CDKAL1: variants seen among roughly 807,000 people sequenced by gnomAD.
CDKAL1 encodes CDKAL1 threonylcarbamoyladenosine tRNA methylthiotransferase.
A neutral mutation model predicts 68.2 loss-of-function variants in CDKAL1; 32 were observed. The observed-to-expected ratio is 0.47, with a 90% CI of 0.35 to 0.63. CDKAL1 has a LOEUF of 0.63. CDKAL1 is among the 30% of genes least tolerant of loss of function. The pLI is 0.00. For missense variants in CDKAL1, 606 were observed against 696.7 expected (o/e 0.87, Z 1.47); for synonymous variants, 234 against 244.3 (o/e 0.96, Z 0.39).
At chr6:20,594,614 G>A (rs572215225) in intron 4 of CDKAL1, among the ~76,000 whole-genome samples, 14 of 152,138 alleles carry the variant, frequency 9.2e-5, no homozygotes, top group African/African-American at 1.2e-4. Flanking sequence ...GCATGCCGAC[G>A]GGTCTTGACT....
At chr6:20,576,551 T>G (rs766233749) in intron 4 of CDKAL1, among the ~76,000 whole-genome samples, 7 of 152,392 alleles carry the variant, frequency 4.6e-5, no homozygotes, top group Non-Finnish European at 8.8e-5. Flanking sequence ...ACTTCAAGTC[T>G]TCTGCATTTT....
chr6:20,736,850 CT>C (rs1016326881), intron 5 of CDKAL1, among the ~76,000 whole-genome samples: 1 of 151,966 alleles, frequency 6.6e-6, no homozygotes, highest in African/African-American at 2.4e-5. Flanking sequence ...ATTTCCTCAC[CT>C]CCTGGCTTCT....
At chr6:20,746,289 T>G (rs1474739) in intron 6 of CDKAL1, among the ~76,000 whole-genome samples, 1 of 152,152 alleles carries the variant, frequency 6.6e-6, no homozygotes, top group Non-Finnish European at 1.5e-5. Context: ...TGTACTGTCA[T>G]GTAACTTCTG....
intron 9 of CDKAL1, among the ~76,000 whole-genome samples, chr6:20,904,474 A>T (rs1206267607): frequency 6.6e-6 from 1 of 152,090 alleles, no homozygotes; most frequent in African/African-American, 2.4e-5. Context: ...GCAACTGGAC[A>T]CGTATGAGGA....
chr6:20,727,060 A>C (rs1056768972), intron 5 of CDKAL1, among the ~76,000 whole-genome samples: 1 of 152,180 alleles, frequency 6.6e-6, no homozygotes, highest in African/African-American at 2.4e-5. Context: ...ATCAGTTCTG[A>C]AAATTTGCCT....
At chr6:20,993,647 G>A (rs1230910672) in intron 10 of CDKAL1, 3 of 152,142 alleles carry the variant, frequency 2.0e-5, no homozygotes, top group African/African-American at 7.2e-5. Context: ...GATGACTATA[G>A]GGCAATAAAA....
At chr6:21,128,970 C>G (rs989936180) in intron 13 of CDKAL1, among the ~76,000 whole-genome samples, 1 of 152,156 alleles carries the variant, frequency 6.6e-6, no homozygotes, top group Non-Finnish European at 1.5e-5. Context: ...TTTGAATCTG[C>G]CTTTCACTCA....
At chr6:21,113,981 G>A (rs1444679288) in intron 13 of CDKAL1, among the ~76,000 whole-genome samples, 2 of 151,564 alleles carry the variant, frequency 1.3e-5, no homozygotes, top group East Asian at 3.9e-4. Context: ...GGGCGCAGTG[G>A]CTCACGCCTG....
intron 15 of CDKAL1, among the ~76,000 whole-genome samples, chr6:21,215,212 C>T (rs1347568414): frequency 2.0e-5 from 3 of 152,158 alleles, no homozygotes; most frequent in Admixed American, 1.3e-4. Flanking sequence ...AGCCCTGCTC[C>T]GCATGCCTCA....
At chr6:21,004,086 C>T (rs1767597927) in intron 11 of CDKAL1, among the ~76,000 whole-genome samples, 1 of 152,120 alleles carries the variant, frequency 6.6e-6, no homozygotes, top group Non-Finnish European at 1.5e-5. Flanking sequence ...GATCTGTTTC[C>T]TTAAAAAATC....
At chr6:20,736,788 T>C (rs1015059531) in intron 5 of CDKAL1, among the ~76,000 whole-genome samples, 2 of 147,188 alleles carry the variant, frequency 1.4e-5, no homozygotes, top group Non-Finnish European at 3.0e-5. Flanking sequence ...AAAAAAAATT[T>C]CCTCCACATG....
intron 5 of CDKAL1, among the ~76,000 whole-genome samples, chr6:20,690,497 C>T (rs1451562024): frequency 3.3e-5 from 5 of 152,090 alleles, no homozygotes; most frequent in African/African-American, 7.2e-5. Context: ...GCCTTACTAC[C>T]GCAGTGTGTG....
At chr6:20,550,645 G>A (rs888848182) in intron 4 of CDKAL1, among the ~76,000 whole-genome samples, 7 of 152,054 alleles carry the variant, frequency 4.6e-5, no homozygotes, top group Admixed American at 1.3e-4. Flanking sequence ...TCCTCTTGGG[G>A]GATGGAGCTA....
At position 21,057,025 on chromosome 6, in the gene CDKAL1, T is replaced by C. The variant is rs553636205; in HGVS notation, c.1056-8023T>C. On this transcript the variant is annotated intron_variant, in intron 11 of 15. Coordinates refer to ENST00000274695, the MANE Select transcript of CDKAL1 (RefSeq NM_017774.3). ...TTGCCAGATTTTGGTATCAGGATGA[T>C]GCTGGCCTCATAAAATGAGTTAGGG... Among the ~76,000 whole-genome samples the C allele has an allele frequency of 3.9e-5, 6 of 152,344 alleles. No homozygotes were observed. The South Asian group carries it at 1.2e-3, about 32-fold the overall frequency.
chr6:20,781,197 G>T lies in CDKAL1; in HGVS notation c.570G>T (p.Gly190=), dbSNP rs777597654. The T allele has an allele frequency of 4.5e-5, 73 of 1,613,762 alleles. No homozygotes were observed. The South Asian group carries it at 7.9e-4, about 17-fold the overall frequency. Residue 190 remains glycine (G), a synonymous_variant, in exon 8 of 16, where the codon GGG becomes GGT. Coordinates refer to ENST00000274695, the MANE Select transcript of CDKAL1 (RefSeq NM_017774.3). ...GQKKDNGRRL[G]GARLDLPKIR... ...AAAAGGATAATGGAAGGCGGCTTGG[G>T]GGAGCACGATTGGATTTGCCGAAGA... is the stretch of plus-strand genomic sequence containing the variant.
At chr6:20,584,717 C>T (rs1178097624) in intron 4 of CDKAL1, among the ~76,000 whole-genome samples, 1 of 152,164 alleles carries the variant, frequency 6.6e-6, no homozygotes, top group African/African-American at 2.4e-5. Flanking sequence ...GTGCTAGGAA[C>T]CCAAAGATGA....
At chr6:20,609,090 A>G (rs1012229371) in intron 4 of CDKAL1, among the ~76,000 whole-genome samples, 1 of 152,226 alleles carries the variant, frequency 6.6e-6, no homozygotes, top group Non-Finnish European at 1.5e-5. Flanking sequence ...ACATATGGGA[A>G]TATAGCAGAA....
chr6:20,761,429 C>G (rs1161119841), intron 7 of CDKAL1, among the ~76,000 whole-genome samples: 2 of 152,174 alleles, frequency 1.3e-5, no homozygotes, highest in Non-Finnish European at 2.9e-5. Flanking sequence ...GATATTTATC[C>G]AAATGAGTTG....
intron 5 of CDKAL1, among the ~76,000 whole-genome samples, chr6:20,676,421 A>C (rs1164963318): frequency 1.3e-5 from 2 of 151,986 alleles, no homozygotes; most frequent in African/African-American, 4.8e-5. Context: ...TAATCCCAAC[A>C]CTTTGGGAGG....
Sources: gnomAD v4.1 joint callset for allele counts (sites outside exome capture counted in the v4.1 genomes callset) on GRCh38, gnomAD v4.1.1 for gene constraint, MANE v1.5 for transcripts, NCBI Gene and HGNC (gene_info 2026-07-23, HGNC 2026-07-21) for gene names.